The following ZNF385C variants were observed in gnomAD, a reference collection of about 807,000 sequenced individuals.
ZNF385C encodes the protein zinc finger protein 385C.
In ZNF385C, 28 loss-of-function variants were observed where a neutral mutation model predicts 35.4. The ratio of observed to expected loss-of-function variants is 0.79; its 90% confidence interval spans 0.59 to 1.08. The LOEUF (loss-of-function observed/expected upper bound fraction) is 1.08, where lower values mean the gene tolerates loss of function less well. ZNF385C is among the 50% of genes least tolerant of loss of function. ZNF385C has a pLI of 0.00. For missense variants in ZNF385C, 605 were observed against 595.6 expected (o/e 1.02, Z -0.16); for synonymous variants, 248 against 248.2 (o/e 1.00, Z 0.01).
chr17:42,072,008 C>T (rs1301089683), intron 1 of ZNF385C, among the ~76,000 whole-genome samples: 4 of 152,170 alleles, frequency 2.6e-5, no homozygotes, highest in African/African-American at 9.7e-5. Flanking sequence ...CTGAGACATT[C>T]TGCACGTTGG....
intron 1 of ZNF385C, among the ~76,000 whole-genome samples, chr17:42,089,312 T>C (rs2053841119): frequency 6.6e-6 from 1 of 151,744 alleles, no homozygotes; most frequent in Non-Finnish European, 1.5e-5. Context: ...TAAGACCCTG[T>C]CTCTAAATAA....
intron 2 of ZNF385C, chr17:42,040,633 G>A (rs2052995530): frequency 1.6e-6 from 2 of 1,232,152 alleles, no homozygotes; most frequent in African/African-American, 1.6e-5. Context: ...GCCAGGCCAG[G>A]CCTCGGCCAC....
Position 42,026,601 on chromosome 17 carries a change from T to A in ZNF385C, c.*296A>T, listed in dbSNP as rs189234454. 3.1e-5 allele frequency: 14 copies of A among 450,178 alleles called. No individual in the cohort carries two copies. In the Admixed American group the frequency reaches 3.7e-4, roughly 12 times the overall value. 27.9% of individuals were successfully genotyped at this position (450,178 alleles called of 1,614,324 possible). A position where few individuals can be genotyped will look rare whatever the true frequency, so the allele number is the denominator to read the frequency against. ...AGAGTCTGGCCATGTGGGTCTTGGG[T>A]GGAGGAAAGTGAGAGCACCACATGG... On this transcript the variant is annotated 3_prime_UTR_variant, in exon 9 of 9. Coordinates refer to ENST00000692273, the MANE Select transcript of ZNF385C (RefSeq NM_001392013.1).
intron 1 of ZNF385C, among the ~76,000 whole-genome samples, chr17:42,094,643 GAC>G (rs2143963339): frequency 6.6e-6 from 1 of 152,292 alleles, no homozygotes; most frequent in African/African-American, 2.4e-5. Context: ...CGCAGGGCCA[GAC>G]ACACTCACAG....
intron 2 of ZNF385C, chr17:42,040,468 T>A: frequency 8.1e-7 from 1 of 1,232,204 alleles, no homozygotes. Flanking sequence ...CAAGTCCGGC[T>A]CTTCTGCCTG....
chr17:42,079,888 T>C (rs1193358340), intron 1 of ZNF385C, among the ~76,000 whole-genome samples: 3 of 152,048 alleles, frequency 2.0e-5, no homozygotes, highest in African/African-American at 7.2e-5. Context: ...TGATCCACTC[T>C]CCCAACCCAG....
At chr17:42,096,713 G>C (rs1455283282) in intron 1 of ZNF385C, among the ~76,000 whole-genome samples, 2 of 152,046 alleles carry the variant, frequency 1.3e-5, no homozygotes, top group Non-Finnish European at 2.9e-5. Flanking sequence ...TTTCAGGTTG[G>C]GTCTCCAAGC....
intron 2 of ZNF385C, among the ~76,000 whole-genome samples, chr17:42,045,211 C>T (rs2053130780): frequency 1.3e-5 from 2 of 152,150 alleles, no homozygotes; most frequent in South Asian, 4.1e-4. Flanking sequence ...GCCACCGCGC[C>T]CAGCCAATTT....
intron 1 of ZNF385C, among the ~76,000 whole-genome samples, chr17:42,092,455 G>T (rs1157160431): frequency 6.6e-6 from 1 of 152,162 alleles, no homozygotes; most frequent in Non-Finnish European, 1.5e-5. Flanking sequence ...ATGGGATGAG[G>T]CAGTTCTGTA....
At chr17:42,074,311 A>G (rs78073197) in intron 1 of ZNF385C, among the ~76,000 whole-genome samples, 308 of 152,390 alleles carry the variant, frequency 2.0e-3, no homozygotes, top group African/African-American at 7.0e-3. Context: ...TCCACTTTTA[A>G]GATAAATCCA....
At chr17:42,075,872 G>T (rs2053679602) in intron 1 of ZNF385C, among the ~76,000 whole-genome samples, 1 of 152,028 alleles carries the variant, frequency 6.6e-6, no homozygotes, top group African/African-American at 2.4e-5. Context: ...CCCCATCTCT[G>T]CCCTCCTCTG....
At chr17:42,040,617 C>G in intron 2 of ZNF385C, 1 of 1,232,350 alleles carries the variant, frequency 8.1e-7, no homozygotes, top group South Asian at 4.1e-5. Context: ...CCAGGGTGGG[C>G]ACCAGGCCAG....
intron 6 of ZNF385C, chr17:42,028,513 G>A: frequency 1.7e-6 from 1 of 586,278 alleles, no homozygotes; most frequent in Non-Finnish European, 3.0e-6. Flanking sequence ...AATCTAAGGA[G>A]AGAGGCAGAT....
rs548857913 is a variant in ZNF385C at position 42,090,877 on chromosome 17, G to A, written c.-3+7533C>T. Among the ~76,000 whole-genome samples, 9 of 151,762 alleles carry A rather than the reference G, an allele frequency of 5.9e-5. No individual in the cohort carries two copies. The East Asian group carries it at 9.9e-4, about 17-fold the overall frequency. On this transcript the variant is annotated intron_variant, in intron 1 of 8. Transcript: ENST00000692273. ...AGCCTGGGCGACAGAGCGAGACTCCGTCTCAAAAAAAAGAGAACCTATCTT... is the reference window on the plus strand; with the variant it reads ...AGCCTGGGCGACAGAGCGAGACTCCATCTCAAAAAAAAGAGAACCTATCTT...
At chr17:42,097,797 G>T (rs1260308421) in intron 1 of ZNF385C, among the ~76,000 whole-genome samples, 2 of 152,192 alleles carry the variant, frequency 1.3e-5, no homozygotes, top group Non-Finnish European at 2.9e-5. Context: ...TCCCCAGCCG[G>T]CTCTGTGACA....
In ZNF385C at chr17:42,037,865, G is replaced by A. The variant is rs1274068015; in HGVS notation, c.271C>T (p.Pro91Ser). 5 of 1,521,796 alleles carry A rather than the reference G, an allele frequency of 3.3e-6. No homozygotes were observed. In the South Asian group the frequency reaches 3.8e-5, roughly 12 times the overall value. 94.3% of individuals were successfully genotyped at this position (1,521,796 alleles called of 1,614,324 possible). The change falls in exon 3 of 9, where the codon CCC (proline) becomes TCC (serine). Residue 91 changes from proline (P) to serine (S), a missense_variant. Physicochemically the swap from Pro to Ser is moderately conservative, Grantham distance 74 (BLOSUM62 -1). Transcript: ENST00000692273. ...GGCAGGGAGGCCAGCAGGGGGCTGG[G>A]GGCGCCGGAGGCCGGGCCTGCTGCA... ...SGPAGPASGA[P>S]SPLLASLPLP...
intron 2 of ZNF385C, among the ~76,000 whole-genome samples, chr17:42,057,126 C>T (rs1476247764): frequency 5.3e-5 from 8 of 151,952 alleles, no homozygotes; most frequent in Non-Finnish European, 8.8e-5. Flanking sequence ...CAGAACAAGA[C>T]GTTGTCTCAA....
At chr17:42,047,095 G>A (rs1047522938) in intron 2 of ZNF385C, among the ~76,000 whole-genome samples, 7 of 147,578 alleles carry the variant, frequency 4.7e-5, no homozygotes, top group African/African-American at 7.6e-5. Context: ...GCAGTGGCGC[G>A]ATCTCGGCTC....
intron 1 of ZNF385C, among the ~76,000 whole-genome samples, chr17:42,090,446 A>G (rs1555660434): frequency 6.6e-6 from 1 of 151,242 alleles, no homozygotes; most frequent in African/African-American, 2.4e-5. Flanking sequence ...GCCATCACGC[A>G]CTAATTTTTG....
Sources: allele counts gnomAD v4.1 joint callset (sites outside exome capture counted in the v4.1 genomes callset), GRCh38; gene constraint gnomAD v4.1.1; transcripts MANE v1.5; gene names NCBI Gene and HGNC (gene_info 2026-07-23, HGNC 2026-07-21).